The following RIPOR1 variants were observed in gnomAD, a reference collection of about 807,000 sequenced individuals.
RIPOR1 encodes rho family-interacting cell polarization regulator 1.
A neutral mutation model predicts 116.5 loss-of-function variants in RIPOR1; 58 were observed. The ratio of observed to expected loss-of-function variants is 0.50; its 90% CI spans 0.40 to 0.62. RIPOR1 has a LOEUF of 0.62. Among genes scored for constraint, RIPOR1 ranks in the 20% least tolerant of loss-of-function variants. The probability of loss-of-function intolerance (pLI) is 0.00; values close to 1 mark genes in which losing one functional copy is unlikely to be tolerated. For missense variants in RIPOR1, 1,372 were observed against 1,586.2 expected (o/e 0.86, Z 2.29); for synonymous variants, 605 against 650.0 (o/e 0.93, Z 1.05).
At position 67,544,457 on chromosome 16, in the gene RIPOR1, C is replaced by T; in HGVS notation, c.2733+26C>T. On this transcript the variant is annotated intron_variant, in intron 15 of 21. Transcript: ENST00000042381. The surrounding 1 kb of genome is among the most constrained non-coding windows in gnomAD (Gnocchi z 5.1). ...GTGAGGCTGATGGTGTTCCCCCACCCTTCCTTTGTAACCCCTAACCCCAGG... is the reference window on the plus strand; with the variant it reads ...GTGAGGCTGATGGTGTTCCCCCACCTTTCCTTTGTAACCCCTAACCCCAGG... 1.3e-6 allele frequency: 2 copies of T among 1,591,610 alleles called. No individual in the cohort carries two copies. Among genetic ancestry groups the T allele is most frequent in the Non-Finnish European group, 1.7e-6 (2 of 1,169,202 alleles).
In RIPOR1 at chr16:67,540,557, C is replaced by T; in HGVS notation, c.676-22C>T. 2 of 1,614,070 alleles carry T rather than the reference C, an allele frequency of 1.2e-6. No individual in the cohort carries two copies. Among genetic ancestry groups the T allele is most frequent in the Non-Finnish European group, 1.7e-6 (2 of 1,179,980 alleles). ...GGTAGGGTCCCAACACCTAGGCTGC[C>T]TCATCCTACCTGTTCCCCCAGATCT... On this transcript the variant is annotated intron_variant, in intron 9 of 21. Coordinates refer to ENST00000042381, the MANE Select transcript of RIPOR1 (RefSeq NM_024519.4). This position sits in a 1 kb window ranked among gnomAD's most constrained non-coding sequence, Gnocchi z 4.7.
Position 67,538,466 on chromosome 16 carries a change from G to A in RIPOR1, c.20G>A (p.Arg7Gln). MMSLSVRPQRRLLSARV... is the reference protein window; with the variant it reads MMSLSVQPQRRLLSARV... ...CACTCTATGATGTCCCTGTCGGTGC[G>A]GCCGCAGCGCCGTCTGCTCAGCGCC... The change falls in exon 2 of 22, where the codon CGG becomes CAG. Residue 7 changes from arginine to glutamine, a missense_variant. Arg to Gln is a conservative substitution (Grantham distance 43). Coordinates refer to ENST00000042381, the MANE Select transcript of RIPOR1 (RefSeq NM_024519.4). 1.2e-6 allele frequency: 2 copies of A among 1,609,294 alleles called. No homozygotes were observed. The highest frequency in any genetic ancestry group is 1.7e-6 in the Non-Finnish European group (2 of 1,178,272).
chr16:67,523,459 G>C (rs538206550), intron 1 of RIPOR1, among the ~76,000 whole-genome samples: 2 of 139,758 alleles, frequency 1.4e-5, no homozygotes, highest in Admixed American at 1.5e-4. Context: ...CCGGGAGGCA[G>C]AGGTTGCAGT....
rs2050657565 is a variant in RIPOR1 at position 67,531,407 on chromosome 16, A to G, written c.-24+2493A>G. On this transcript the variant is annotated intron_variant, in intron 1 of 21. Transcript: ENST00000042381. This position sits in a 1 kb window ranked among gnomAD's most constrained non-coding sequence, Gnocchi z 4.2. ...ATATGCCCCAGGTCTCACAAGGTTC[A>G]GTCTGGTGGGAAGACAGGCCCTAAA... 3.4e-6 allele frequency: 1 copy of G among 292,488 alleles called. No homozygotes were observed. The highest frequency in any genetic ancestry group is 6.9e-6 in the Non-Finnish European group (1 of 144,742). The allele number at this position is 292,488 out of a possible 1,614,324, so 18.1% of individuals were successfully genotyped here.
chr16:67,534,850 T>C (rs1056143082), intron 1 of RIPOR1, among the ~76,000 whole-genome samples: 4 of 141,380 alleles, frequency 2.8e-5, no homozygotes, highest in African/African-American at 7.9e-5. Context: ...TTTTTTTTTT[T>C]TTTTTTTTTT....
chr16:67,538,900 C>G (rs1473654809), intron 3 of RIPOR1, 76 bp downstream of exon 3: 5 of 1,609,480 alleles, frequency 3.1e-6, no homozygotes, highest in African/African-American at 1.3e-5. Context: ...GGAACCTTCT[C>G]CAGCCCCATG....
chr16:67,542,026 G>A lies in RIPOR1; in HGVS notation c.1240G>A (p.Val414Ile), dbSNP rs1381213287. ...VQQPEPLPIQ[V>I]AFRRPETPSS... Reference sequence around the variant, plus strand: ...GCAGCCCGAGCCCCTTCCCATCCAAGTTGCCTTCCGCAGGCCTGAGACCCC... The same window carrying A: ...GCAGCCCGAGCCCCTTCCCATCCAAATTGCCTTCCGCAGGCCTGAGACCCC... Residue 414 changes from valine (V) to isoleucine (I), a missense_variant, in exon 13 of 22, where the codon GTT (valine) becomes ATT (isoleucine). Around this residue, in one of 3 missense-constraint regions of RIPOR1, gnomAD observed 1,005 missense variants for 1,144.7 expected, o/e 0.88. Coordinates refer to ENST00000042381, the MANE Select transcript of RIPOR1 (RefSeq NM_024519.4). The surrounding 1 kb of genome is among the most constrained non-coding windows in gnomAD (Gnocchi z 4.6). 2.5e-6 allele frequency: 4 copies of A among 1,608,776 alleles called. No homozygotes were observed. Among genetic ancestry groups the A allele is most frequent in the Non-Finnish European group, 3.4e-6 (4 of 1,176,598 alleles).
Position 67,543,087 on chromosome 16 carries a change from C to G in RIPOR1, c.2301C>G (p.Asp767Glu). ...CAACCCCTGCACCCCAGCATTCAGA[C>G]CTTTGCCTGGCCATGGCTGTCCAGA... ...SPPTPAPQHS[D>E]LCLAMAVQTP... Residue 767 changes from aspartate to glutamate, a missense_variant, in exon 13 of 22, where the codon GAC becomes GAG. Physicochemically the swap from Asp to Glu is conservative, Grantham distance 45. Coordinates refer to ENST00000042381, the MANE Select transcript of RIPOR1 (RefSeq NM_024519.4). The surrounding 1 kb of genome is among the most constrained non-coding windows in gnomAD (Gnocchi z 4.7). 6.6e-7 allele frequency: 1 copy of G among 1,522,912 alleles called. No individual in the cohort carries two copies. Among genetic ancestry groups the G allele is most frequent in the Non-Finnish European group, 8.8e-7 (1 of 1,137,542 alleles). 94.3% of individuals were successfully genotyped at this position (1,522,912 alleles called of 1,614,324 possible). A position where few individuals can be genotyped will look rare whatever the true frequency, so the allele number is the denominator to read the frequency against.
chr16:67,546,479 G>A lies in RIPOR1; in HGVS notation c.*16G>A, dbSNP rs370298572. The A allele has an allele frequency of 2.4e-5, 38 of 1,605,520 alleles. No homozygotes were observed. The highest frequency in any genetic ancestry group is 3.3e-5 in the Admixed American group (2 of 59,898). On this transcript the variant is annotated 3_prime_UTR_variant, in exon 22 of 22. Transcript: ENST00000042381. ...AGCATTCTAAACTATTCACCCATGG[G>A]TTCCTGGTGCCCCTTTCCCCCCACT... is the stretch of plus-strand genomic sequence containing the variant.
At chr16:67,539,573 G>A (rs775687370) in intron 4 of RIPOR1, 155 bp from the exon 5 acceptor site, 11 of 901,402 alleles carry the variant, frequency 1.2e-5, no homozygotes, top group Non-Finnish European at 1.8e-5. Context: ...CATCCACCAA[G>A]GGCTAGACCA....
chr16:67,546,399 A>G lies in RIPOR1; in HGVS notation c.3596A>G (p.Glu1199Gly). 6.2e-7 allele frequency: 1 copy of G among 1,614,088 alleles called. No individual in the cohort carries two copies. The highest frequency in any genetic ancestry group is 8.5e-7 in the Non-Finnish European group (1 of 1,180,010). ...EEGQSAHRRL[E>G]ESLDALPRIF... ...GGACAGTCTGCCCATCGACGGCTGG[A>G]GGAGTCCCTGGACGCCCTGCCCCGC... The change falls in exon 22 of 22, where the codon GAG becomes GGG. Residue 1199 changes from glutamate (E) to glycine (G), a missense_variant. Physicochemically the swap from Glu to Gly is moderately conservative, Grantham distance 98. Coordinates refer to ENST00000042381, the MANE Select transcript of RIPOR1 (RefSeq NM_024519.4).
At position 67,537,497 on chromosome 16, in the gene RIPOR1, G is replaced by A. The variant is rs2142499482; in HGVS notation, c.-23-927G>A. 7.9e-7 allele frequency: 1 copy of A among 1,269,724 alleles called. No individual in the cohort carries two copies. Among genetic ancestry groups the A allele is most frequent in the East Asian group, 3.2e-5 (1 of 31,712 alleles). 78.7% of individuals were successfully genotyped at this position (1,269,724 alleles called of 1,614,324 possible). A position where few individuals can be genotyped will look rare whatever the true frequency, so the allele number is the denominator to read the frequency against. On this transcript the variant is annotated intron_variant, in intron 1 of 21. Coordinates refer to ENST00000042381, the MANE Select transcript of RIPOR1 (RefSeq NM_024519.4). This position sits in a 1 kb window ranked among gnomAD's most constrained non-coding sequence, Gnocchi z 4.6. ...CAGAGCCGCTGGGAGCGAGCCCGGA[G>A]CCCAGCCGGGCGGCTCGAAGTGGCC...
chr16:67,539,782 G>T, intron 5 of RIPOR1, 31 bp downstream of exon 5: 1 of 1,614,180 alleles, frequency 6.2e-7, no homozygotes, highest in Non-Finnish European at 8.5e-7. Context: ...ACTGGAAGGG[G>T]TTGGCTCACA....
rs746124772 is a variant in RIPOR1, at chr16:67,540,565, A to G, written c.676-14A>G. ...CCCAACACCTAGGCTGCCTCATCCTACCTGTTCCCCCAGATCTGCATGAAA... is the reference window on the plus strand; with the variant it reads ...CCCAACACCTAGGCTGCCTCATCCTGCCTGTTCCCCCAGATCTGCATGAAA... On this transcript the variant is annotated splice_polypyrimidine_tract_variant and intron_variant, in intron 9 of 21. Transcript: ENST00000042381. The surrounding 1 kb of genome is among the most constrained non-coding windows in gnomAD (Gnocchi z 4.7). 3 of 1,613,874 alleles carry G rather than the reference A, an allele frequency of 1.9e-6. No individual in the cohort carries two copies. The highest frequency in any genetic ancestry group is 2.5e-6 in the Non-Finnish European group (3 of 1,179,946).
rs995729296 is a variant in RIPOR1 at position 67,530,242 on chromosome 16, G to C, written c.-24+1328G>C. ...CTCGGACTCAGCCCTGGCCAGGCCC[G>C]GCCCGGGGGAGGCCGCCTGGCTCCC... On this transcript the variant is annotated intron_variant, in intron 1 of 21. Coordinates refer to ENST00000042381, the MANE Select transcript of RIPOR1 (RefSeq NM_024519.4). The surrounding 1 kb of genome is among the most constrained non-coding windows in gnomAD (Gnocchi z 4.5). Among the ~76,000 whole-genome samples the C allele has an allele frequency of 3.3e-5, 5 of 152,174 alleles. No individual in the cohort carries two copies. Among genetic ancestry groups the C allele is most frequent in the Admixed American group, 6.5e-5 (1 of 15,280 alleles).
Position 67,531,555 on chromosome 16 carries a change from G to A in RIPOR1, c.-24+2641G>A, listed in dbSNP as rs2050660666. 4.5e-6 allele frequency: 2 copies of A among 447,448 alleles called. No homozygotes were observed. The highest frequency in any genetic ancestry group is 9.0e-6 in the Non-Finnish European group (2 of 222,736). 27.7% of individuals were successfully genotyped at this position (447,448 alleles called of 1,614,324 possible). A position where few individuals can be genotyped will look rare whatever the true frequency, so the allele number is the denominator to read the frequency against. ...ATAGGGTAGACTTGAGGAAGGAGAG[G>A]GACTTGGGGCTGAGTAGTGGGAAGA... On this transcript the variant is annotated intron_variant, in intron 1 of 21. Coordinates refer to ENST00000042381, the MANE Select transcript of RIPOR1 (RefSeq NM_024519.4). The surrounding 1 kb of genome is among the most constrained non-coding windows in gnomAD (Gnocchi z 4.2).
At position 67,541,723 on chromosome 16, in the gene RIPOR1, T is replaced by C. The variant is rs776833860; in HGVS notation, c.1021T>C (p.Phe341Leu). 1 of 1,614,006 alleles carries C rather than the reference T, an allele frequency of 6.2e-7. No individual in the cohort carries two copies. Residue 341 changes from phenylalanine to leucine, a missense_variant, in exon 12 of 22, where the codon TTC becomes CTC. Physicochemically the swap from Phe to Leu is conservative, Grantham distance 22 (BLOSUM62 0). Transcript: ENST00000042381. This position sits in a 1 kb window ranked among gnomAD's most constrained non-coding sequence, Gnocchi z 4.6. ...VNKASTVTKR[F>L]STYSQSPPDT... ...CAAGGCCTCCACAGTCACCAAGCGC[T>C]TCTCCACCTATAGCCAGAGCCCACC... is the stretch of plus-strand genomic sequence containing the variant.
intron 1 of RIPOR1, among the ~76,000 whole-genome samples, chr16:67,532,485 T>C (rs1431895121): frequency 1.3e-5 from 2 of 151,492 alleles, no homozygotes; most frequent in African/African-American, 4.8e-5. Flanking sequence ...AAAAATTAGG[T>C]ATAGTGAGTC....
In RIPOR1 at chr16:67,544,506, C is replaced by T; in HGVS notation, c.2733+75C>T. On this transcript the variant is annotated intron_variant, in intron 15 of 21. Transcript: ENST00000042381. The surrounding 1 kb of genome is among the most constrained non-coding windows in gnomAD (Gnocchi z 5.1). ...GGGAGTCCTGCCCTTCCATCCTGGTCCTCTATACCTCCTCTGAGTGCCACA... is the reference window on the plus strand; with the variant it reads ...GGGAGTCCTGCCCTTCCATCCTGGTTCTCTATACCTCCTCTGAGTGCCACA... 1 of 1,551,046 alleles carries T rather than the reference C, an allele frequency of 6.4e-7. No homozygotes were observed. Among genetic ancestry groups the T allele is most frequent in the South Asian group, 1.2e-5 (1 of 85,964 alleles).
Sources: gnomAD v4.1 joint callset for allele counts (sites outside exome capture counted in the v4.1 genomes callset) on GRCh38, gnomAD v4.1.1 for gene constraint, gnomAD v4.1.1 regional missense constraint, Gnocchi (gnomAD v3.1) non-coding constraint, MANE v1.5 for transcripts, NCBI Gene and HGNC (gene_info 2026-07-23, HGNC 2026-07-21) for gene names.